BDH2: variants seen among roughly 807,000 people sequenced by gnomAD.
The protein encoded by BDH2 is 3-hydroxybutyrate dehydrogenase 2.
Under a neutral mutation model 33.2 loss-of-function variants are expected in BDH2, and 24 were observed. The ratio of observed to expected loss-of-function variants is 0.72; its 90% CI spans 0.52 to 1.02. The LOEUF is 1.02. BDH2 is among the 50% of genes least tolerant of loss of function. The pLI is 0.00. For synonymous variants in BDH2, 81 were observed against 101.6 expected (o/e 0.80, Z 1.22); for missense variants, 249 against 301.6 (o/e 0.83, Z 1.29).
intron 1 of BDH2, chr4:103,099,238 A>G (rs751724413): frequency 3.9e-5 from 6 of 152,142 alleles, no homozygotes; most frequent in Non-Finnish European, 7.3e-5. Flanking sequence ...TCCAGAACAA[A>G]TGCCGAAGCA....
At chr4:103,086,984 C>T (rs1168989694) in intron 5 of BDH2, among the ~76,000 whole-genome samples, 2 of 152,154 alleles carry the variant, frequency 1.3e-5, no homozygotes, top group Admixed American at 1.3e-4. Flanking sequence ...GTTAGAGTGG[C>T]TCACATAATC....
intron 3 of BDH2, among the ~76,000 whole-genome samples, chr4:103,094,302 G>A (rs572761006): frequency 2.8e-4 from 43 of 152,258 alleles, no homozygotes; most frequent in African/African-American, 1.0e-3. Flanking sequence ...ATATTGAGAC[G>A]TTGGTCAAAG....
intron 1 of BDH2, among the ~76,000 whole-genome samples, chr4:103,096,858 C>A (rs1018690356): frequency 6.6e-6 from 1 of 152,108 alleles, no homozygotes; most frequent in Admixed American, 6.5e-5. Flanking sequence ...TGCACTTTAA[C>A]CTACCTTATC....
chr4:103,087,944 A>T (rs886534214), intron 5 of BDH2, among the ~76,000 whole-genome samples: 4 of 152,310 alleles, frequency 2.6e-5, no homozygotes, highest in Middle Eastern at 3.4e-3. Context: ...GGTGTGGCCA[A>T]GATGATTGAT....
rs148079870 is a variant in BDH2, at chr4:103,095,081, G to C, written c.151+122C>G. On this transcript the variant is annotated intron_variant, in intron 3 of 9. Coordinates refer to ENST00000296424, the MANE Select transcript of BDH2 (RefSeq NM_020139.4). Reference sequence around the variant, plus strand: ...AAATATAGATTTCATATCAGAGAGAGAATCTAAAAAGCACGGCAGTGGAGC... The same window carrying C: ...AAATATAGATTTCATATCAGAGAGACAATCTAAAAAGCACGGCAGTGGAGC... 4.5e-6 allele frequency: 3 copies of C among 665,632 alleles called. 1 individual carries two copies. The South Asian group carries it at 6.3e-5, about 14-fold the overall frequency. 41.2% of individuals were successfully genotyped at this position (665,632 alleles called of 1,614,324 possible).
At chr4:103,080,544 A>C (rs778475318) in intron 9 of BDH2, among the ~76,000 whole-genome samples, 9 of 152,228 alleles carry the variant, frequency 5.9e-5, no homozygotes, top group Non-Finnish European at 1.2e-4. Flanking sequence ...ATGAATAGAG[A>C]AATTTTAAGA....
chr4:103,093,658 GTAA>G (rs1353733693), intron 3 of BDH2, among the ~76,000 whole-genome samples: 1 of 145,574 alleles, frequency 6.9e-6, no homozygotes, highest in African/African-American at 2.5e-5. Flanking sequence ...ATAATATATA[GTAA>G]TATAATTTAT....
chr4:103,092,864 T>TA, intron 3 of BDH2, 168 bp from the exon 4 acceptor site: 1 of 650,460 alleles, frequency 1.5e-6, no homozygotes. Context: ...TTAGTAAACT[T>TA]AAAGTCCATC....
chr4:103,086,487 G>A lies in BDH2; in HGVS notation c.411C>T (p.Ser137=), dbSNP rs908170764. The part of the protein sequence containing the change: ...NIINMSSVAS[S]VKGVVNRCVY... ...GGAAGGAGACAGACCCACCTTTGAC[G>A]CTGGAAGCCACAGAAGACATGTTGA... Residue 137 remains serine, a synonymous_variant, in exon 6 of 10, where the codon AGC becomes AGT. Transcript: ENST00000296424. 6.2e-7 allele frequency: 1 copy of A among 1,612,580 alleles called. No individual in the cohort carries two copies. The highest frequency in any genetic ancestry group is 1.7e-4 in the Middle Eastern group (1 of 6,060).
At chr4:103,097,350 C>T (rs1748461002) in intron 1 of BDH2, among the ~76,000 whole-genome samples, 1 of 152,150 alleles carries the variant, frequency 6.6e-6, no homozygotes, top group Non-Finnish European at 1.5e-5. Context: ...AACACTGACA[C>T]CGGGGCTCAT....
At chr4:103,092,474 G>T in intron 4 of BDH2, 126 bp downstream of exon 4, 2 of 673,046 alleles carry the variant, frequency 3.0e-6, no homozygotes, top group Non-Finnish European at 2.6e-6. Flanking sequence ...GTAAAATCTA[G>T]CCATATTTCC....
intron 6 of BDH2, 176 bp downstream of exon 6, chr4:103,086,304 C>A: frequency 7.5e-7 from 1 of 1,327,992 alleles, no homozygotes; most frequent in Non-Finnish European, 9.6e-7. Context: ...ACCACTGGCT[C>A]ACATCGAGAG....
chr4:103,098,455 C>T (rs566917069), intron 1 of BDH2, among the ~76,000 whole-genome samples: 2 of 152,274 alleles, frequency 1.3e-5, no homozygotes, highest in Non-Finnish European at 2.9e-5. Flanking sequence ...CCTCGCAGAC[C>T]GCTGACCCCA....
intron 7 of BDH2, among the ~76,000 whole-genome samples, chr4:103,084,337 A>G (rs945980389): frequency 1.3e-5 from 2 of 152,210 alleles, no homozygotes; most frequent in African/African-American, 4.8e-5. Context: ...TGGCACAGAC[A>G]TACTATGCCA....
intron 3 of BDH2, among the ~76,000 whole-genome samples, chr4:103,094,058 T>C (rs1748242405): frequency 6.6e-6 from 1 of 152,192 alleles, no homozygotes; most frequent in Non-Finnish European, 1.5e-5. Context: ...TTTCTTTGGG[T>C]AAACTGCAAT....
intron 5 of BDH2, among the ~76,000 whole-genome samples, chr4:103,088,544 G>A (rs1747915058): frequency 1.3e-5 from 2 of 152,218 alleles, no homozygotes. Flanking sequence ...GTCAGGAGCT[G>A]TCGTCATGGT....
At chr4:103,081,640 C>T (rs1375824676) in intron 9 of BDH2, among the ~76,000 whole-genome samples, 1 of 152,224 alleles carries the variant, frequency 6.6e-6, no homozygotes, top group Non-Finnish European at 1.5e-5. Context: ...GGAATTCTCC[C>T]AAACAAGTCA....
intron 9 of BDH2, 72 bp downstream of exon 9, chr4:103,082,009 A>T: frequency 2.5e-6 from 3 of 1,224,144 alleles, no homozygotes; most frequent in Non-Finnish European, 3.6e-6. Context: ...CTAAAATGAT[A>T]TTATTTTGAT....
intron 1 of BDH2, 30 bp from the exon 2 acceptor site, chr4:103,096,304 C>T: frequency 1.4e-6 from 2 of 1,407,008 alleles, no homozygotes; most frequent in African/African-American, 1.4e-5. Context: ...ATGGGTTATA[C>T]TGTAGAACAT....
Sources: allele counts gnomAD v4.1 joint callset (sites outside exome capture counted in the v4.1 genomes callset), GRCh38; gene constraint gnomAD v4.1.1; transcripts MANE v1.5; gene names NCBI Gene and HGNC (gene_info 2026-07-23, HGNC 2026-07-21).